RFC5: variants seen among roughly 807,000 people sequenced by gnomAD.
The protein encoded by RFC5 is replication factor C subunit 5.
Under a neutral mutation model 44.3 loss-of-function variants are expected in RFC5, and 26 were observed. The ratio of observed to expected loss-of-function variants is 0.59; its 90% CI spans 0.43 to 0.81. The LOEUF (loss-of-function observed/expected upper bound fraction) is 0.81. RFC5 is among the 40% of genes least tolerant of loss of function. The pLI, the probability that RFC5 is intolerant of heterozygous loss-of-function variation, is 0.00. For synonymous variants in RFC5, 155 were observed against 155.2 expected (o/e 1.00, Z 0.01); for missense variants, 328 against 418.6 (o/e 0.78, Z 1.89).
downstream of RFC5, chr12:118,036,358 G>C (rs775359005): frequency 1.2e-6 from 2 of 1,614,056 alleles, no homozygotes; most frequent in East Asian, 4.5e-5. Context: ...TCAGCCTTTC[G>C]CCGGTGTAGG....
the RFC5 span, chr12:118,038,199 G>A: frequency 1.1e-5 from 14 of 1,279,778 alleles, no homozygotes; most frequent in Admixed American, 8.9e-5. Flanking sequence ...GTGGATTTGC[G>A]GACGATTTTG....
chr12:118,018,986 A>T, intron 1 of RFC5, 86 bp from the exon 2 acceptor site: 1 of 1,017,408 alleles, frequency 9.8e-7, no homozygotes, highest in Non-Finnish European at 1.5e-6. Flanking sequence ...GGCATGAGCC[A>T]CTGTGCCTGA....
At chr12:118,028,613 A>G (rs1409946517) in intron 9 of RFC5, among the ~76,000 whole-genome samples, 1 of 151,856 alleles carries the variant, frequency 6.6e-6, no homozygotes, top group Non-Finnish European at 1.5e-5. Flanking sequence ...ATTTTATAGC[A>G]GTAAGTAGTA....
chr12:118,028,678 A>G (rs1342703747), intron 9 of RFC5, among the ~76,000 whole-genome samples: 5 of 151,652 alleles, frequency 3.3e-5, no homozygotes, highest in South Asian at 2.1e-4. Flanking sequence ...CTATCTGTCT[A>G]TCTAGATATA....
downstream of RFC5, chr12:118,035,265 G>C (rs914153035): frequency 1.9e-5 from 30 of 1,614,106 alleles, no homozygotes; most frequent in Non-Finnish European, 2.5e-5. Context: ...GAAGCACACA[G>C]ATCTCAGTGA....
chr12:118,017,707 G>A, intron 1 of RFC5: 1 of 781,580 alleles, frequency 1.3e-6, no homozygotes, highest in Non-Finnish European at 1.9e-6. Flanking sequence ...GTCTCGCTCT[G>A]TCGCCCATGC....
In RFC5 at chr12:118,025,042, T is replaced by C. The variant is rs564358323; in HGVS notation, c.581+32T>C. 8.1e-6 allele frequency: 13 copies of C among 1,600,554 alleles called. No homozygotes were observed. The East Asian group carries it at 1.6e-4, about 19-fold the overall frequency. ...ATTTTGCGGGCCTTTGGGGATGGAG[T>C]GTAGTAGAAACAGGCTTGTGGGATC... is the stretch of plus-strand genomic sequence containing the variant. On this transcript the variant is annotated intron_variant, in intron 6 of 10. Coordinates refer to ENST00000454402, the MANE Select transcript of RFC5 (RefSeq NM_007370.7).
At chr12:118,033,575 G>A (rs2031426662), downstream of RFC5, 1 of 147,190 alleles carries the variant, frequency 6.8e-6, no homozygotes, top group African/African-American at 2.5e-5. Flanking sequence ...GCCAGTAATA[G>A]TGTCTGGATC....
downstream of RFC5, chr12:118,036,257 C>G: frequency 1.3e-6 from 2 of 1,482,702 alleles, no homozygotes; most frequent in African/African-American, 1.4e-5. Flanking sequence ...GTCCCAGATT[C>G]TAAAAGAGAC....
At chr12:118,024,819 T>C (rs1291688015) in intron 5 of RFC5, 32 bp from the exon 6 acceptor site, 9 of 1,576,224 alleles carry the variant, frequency 5.7e-6, no homozygotes, top group Non-Finnish European at 7.8e-6. Flanking sequence ...GAATGGACTT[T>C]GACATGAGGT....
Position 118,025,030 on chromosome 12 carries a change from T to G in RFC5, c.581+20T>G. 1 of 1,609,550 alleles carries G rather than the reference T, an allele frequency of 6.2e-7. No individual in the cohort carries two copies. The highest frequency in any genetic ancestry group is 8.5e-7 in the Non-Finnish European group (1 of 1,178,140). On this transcript the variant is annotated intron_variant, in intron 6 of 10. Coordinates refer to ENST00000454402, the MANE Select transcript of RFC5 (RefSeq NM_007370.7). ...AGAGAAGTGAGTATTTTGCGGGCCT[T>G]TGGGGATGGAGTGTAGTAGAAACAG...
intron 1 of RFC5, chr12:118,017,939 C>A: frequency 4.4e-6 from 3 of 682,018 alleles, no homozygotes; most frequent in South Asian, 3.3e-5. Context: ...TTTCATCACC[C>A]CAAATGGAAA....
At chr12:118,034,583 G>GCTC, downstream of RFC5, 1 of 537,440 alleles carries the variant, frequency 1.9e-6, no homozygotes, top group Admixed American at 3.4e-5. Context: ...CGCTCTCTCT[G>GCTC]TCTCTCTCTC....
chr12:118,034,839 A>T (rs2031469261), downstream of RFC5: 2 of 710,736 alleles, frequency 2.8e-6, no homozygotes, highest in Admixed American at 6.2e-5. Flanking sequence ...TATTAGCAAA[A>T]TCGATCATTT....
At chr12:118,036,519 A>G (rs2031514928), downstream of RFC5, 1 of 1,605,802 alleles carries the variant, frequency 6.2e-7, no homozygotes, top group South Asian at 1.1e-5. Flanking sequence ...ACCTGTGGAA[A>G]GTAAGAAGTG....
At chr12:118,027,123 A>C in intron 8 of RFC5, 105 bp downstream of exon 8, 1 of 1,185,832 alleles carries the variant, frequency 8.4e-7, no homozygotes, top group Non-Finnish European at 1.2e-6. Context: ...GACTGGCTGC[A>C]GGCGACTCTG....
At chr12:118,030,955 G>C (rs1233399109) in intron 10 of RFC5, among the ~76,000 whole-genome samples, 1 of 152,144 alleles carries the variant, frequency 6.6e-6, no homozygotes, top group East Asian at 1.9e-4. Flanking sequence ...TTTTAAAATT[G>C]AATCGGTCCT....
rs1302803009 is a variant in RFC5 at position 118,026,961 on chromosome 12, G to A, written c.736G>A (p.Asp246Asn). 1 of 1,614,034 alleles carries A rather than the reference G, an allele frequency of 6.2e-7. No homozygotes were observed. Among genetic ancestry groups the A allele is most frequent in the Admixed American group, 1.7e-5 (1 of 60,030 alleles). ...CTGCACCGGGCACCCGCTCAAGTCA[G>A]ACATTGCCAACATCCTGGACTGGAT... Reference protein sequence around the residue: ...YTCTGHPLKSDIANILDWMLN... With the variant: ...YTCTGHPLKSNIANILDWMLN... Residue 246 changes from aspartate (D) to asparagine (N), a missense_variant, in exon 8 of 11, where the codon GAC becomes AAC. Physicochemically the swap from Asp to Asn is conservative, Grantham distance 23. Transcript: ENST00000454402.
intron 5 of RFC5, among the ~76,000 whole-genome samples, chr12:118,023,047 A>G (rs1593441955): frequency 6.9e-6 from 1 of 145,370 alleles, no homozygotes; most frequent in African/African-American, 2.6e-5. Flanking sequence ...TGGGGTGTGG[A>G]AAATCTTTCA....
Sources: allele counts gnomAD v4.1 joint callset (sites outside exome capture counted in the v4.1 genomes callset), GRCh38; gene constraint gnomAD v4.1.1; transcripts MANE v1.5; gene names NCBI Gene and HGNC (gene_info 2026-07-23, HGNC 2026-07-21).